Variants in EBF2 observed in about 807,000 individuals in gnomAD.
EBF2 encodes EBF transcription factor 2.
A neutral mutation model predicts 72.8 loss-of-function variants in EBF2; 21 were observed. The observed-to-expected ratio is 0.29, with a 90% CI of 0.20 to 0.42. The LOEUF (loss-of-function observed/expected upper bound fraction) is 0.42, where lower values mean the gene tolerates loss of function less well. EBF2 is among the 10% of genes least tolerant of loss of function. The pLI is 1.00. For synonymous variants in EBF2, 299 were observed against 274.2 expected, an observed-to-expected ratio of 1.09 and a Z score of -0.89; for missense variants, 637 against 731.2, an observed-to-expected ratio of 0.87 and a Z score of 1.49.
intron 6 of EBF2, among the ~76,000 whole-genome samples, chr8:26,030,701 C>A (rs1805387727): frequency 1.3e-5 from 2 of 152,144 alleles, no homozygotes; most frequent in Non-Finnish European, 2.9e-5. Context: ...TGTAGACATG[C>A]AACATTTCGG....
chr8:25,945,641 T>A (rs1455978868), intron 6 of EBF2, among the ~76,000 whole-genome samples: 1 of 151,484 alleles, frequency 6.6e-6, no homozygotes, highest in Non-Finnish European at 1.5e-5. Context: ...GGGGGTACAA[T>A]GAGAGCCTGT....
intron 6 of EBF2, among the ~76,000 whole-genome samples, chr8:25,996,427 T>C (rs957071980): frequency 6.6e-6 from 1 of 152,054 alleles, no homozygotes; most frequent in Non-Finnish European, 1.5e-5. Flanking sequence ...TAAGGTAATC[T>C]CTTAAATTTT....
intron 6 of EBF2, among the ~76,000 whole-genome samples, chr8:25,978,364 C>T (rs572368655): frequency 2.0e-5 from 3 of 152,312 alleles, no homozygotes; most frequent in African/African-American, 7.2e-5. Flanking sequence ...TAAATGCCTG[C>T]CTTTCTCCCC....
rs1178452759 is a variant in EBF2, at chr8:25,886,738, A to G, written c.1009+17T>C. The G allele has an allele frequency of 2.5e-6, 4 of 1,603,166 alleles. No homozygotes were observed. The highest frequency in any genetic ancestry group is 3.4e-6 in the Non-Finnish European group (4 of 1,174,640). The stretch of plus-strand genomic sequence containing the variant: ...AAACCAGAAGCCAGCCTCTCTTGGA[A>G]TCGTTTTCTCACCTACCTGTGTAAA... On this transcript the variant is annotated intron_variant, in intron 10 of 15. Coordinates refer to ENST00000520164, the MANE Select transcript of EBF2 (RefSeq NM_022659.4).
chr8:25,956,702 G>A (rs2117174579), intron 6 of EBF2, among the ~76,000 whole-genome samples: 1 of 152,350 alleles, frequency 6.6e-6, no homozygotes, highest in Middle Eastern at 3.4e-3. Flanking sequence ...AGCAGAGAAA[G>A]TAGATGGACA....
chr8:25,935,189 G>C (rs1803555638), intron 6 of EBF2, among the ~76,000 whole-genome samples: 1 of 152,256 alleles, frequency 6.6e-6, no homozygotes, highest in East Asian at 1.9e-4. Flanking sequence ...CGATGGAGGG[G>C]GAAGTGGGGG....
intron 14 of EBF2, among the ~76,000 whole-genome samples, chr8:25,853,449 A>G (rs1328038778): frequency 1.3e-5 from 2 of 152,098 alleles, no homozygotes; most frequent in Admixed American, 1.3e-4. Flanking sequence ...GATTCATAAT[A>G]AAATGCTAAT....
chr8:25,945,097 G>A (rs115624199), intron 6 of EBF2, among the ~76,000 whole-genome samples: 7,698 of 72,066 alleles, frequency 0.11, 250 homozygotes, highest in Middle Eastern at 0.2. Flanking sequence ...TGCCCCCCCC[G>A]CCCCACCCCA....
At chr8:25,845,255 G>A (rs1157080584) in intron 15 of EBF2, among the ~76,000 whole-genome samples, 2 of 152,038 alleles carry the variant, frequency 1.3e-5, no homozygotes, top group Non-Finnish European at 2.9e-5. Flanking sequence ...CTTTGTTGAG[G>A]TGGAATCTTG....
chr8:25,961,109 C>T (rs751703022), intron 6 of EBF2, among the ~76,000 whole-genome samples: 4 of 151,802 alleles, frequency 2.6e-5, no homozygotes, highest in South Asian at 2.1e-4. Flanking sequence ...TGCACATATG[C>T]GTGAAAAAGA....
At position 25,891,183 on chromosome 8, in the gene EBF2, C is replaced by T. The variant is rs78650871; in HGVS notation, c.634-1314G>A. Among the ~76,000 whole-genome samples, 342 of 152,190 alleles carry T rather than the reference C, an allele frequency of 2.2e-3. 14 individuals are homozygous for T. In the East Asian group the frequency reaches 0.055, roughly 25 times the overall value. On this transcript the variant is annotated intron_variant, in intron 7 of 15. Transcript: ENST00000520164. ...GCACAAAGACTGGTATCAAATCGAG[C>T]TCCAGCATATGTACTGCAGATCAGG...
chr8:25,941,081 G>A (rs948007601), intron 6 of EBF2, among the ~76,000 whole-genome samples: 2 of 152,074 alleles, frequency 1.3e-5, no homozygotes, highest in Admixed American at 1.3e-4. Flanking sequence ...TTCATGCATT[G>A]GGAGTATGAC....
At chr8:25,945,237 T>C (rs1049561213) in intron 6 of EBF2, among the ~76,000 whole-genome samples, 1 of 152,108 alleles carries the variant, frequency 6.6e-6, no homozygotes, top group Non-Finnish European at 1.5e-5. Context: ...TCCCCCAAGT[T>C]GAACTCAATA....
chr8:25,845,592 C>A (rs1374726502), intron 15 of EBF2, among the ~76,000 whole-genome samples: 1 of 152,140 alleles, frequency 6.6e-6, no homozygotes, highest in Non-Finnish European at 1.5e-5. Context: ...TTCATCGGGT[C>A]AAAAGGATTC....
chr8:25,961,635 A>C (rs182778001), intron 6 of EBF2, among the ~76,000 whole-genome samples: 276 of 152,324 alleles, frequency 1.8e-3, no homozygotes, highest in Non-Finnish European at 2.9e-3. Flanking sequence ...TGCTGGGATT[A>C]CAGGTATGAA....
intron 6 of EBF2, among the ~76,000 whole-genome samples, chr8:26,012,897 G>C (rs889215843): frequency 6.6e-6 from 1 of 152,128 alleles, no homozygotes; most frequent in Non-Finnish European, 1.5e-5. Context: ...AATACTCATC[G>C]ATACCTACTA....
intron 6 of EBF2, among the ~76,000 whole-genome samples, chr8:25,980,958 C>T (rs1394553544): frequency 1.3e-5 from 2 of 152,008 alleles, no homozygotes; most frequent in African/African-American, 4.8e-5. Context: ...GTGTAACCAG[C>T]TCAGTGGTAG....
chr8:25,906,578 C>A (rs990560302), intron 7 of EBF2, among the ~76,000 whole-genome samples: 2 of 152,042 alleles, frequency 1.3e-5, no homozygotes, highest in African/African-American at 4.8e-5. Context: ...ACCAGCCTGG[C>A]CAACATGTCA....
rs367924296 is a variant in EBF2, at chr8:25,858,543, G to T, written c.1343-39C>A. On this transcript the variant is annotated intron_variant, in intron 13 of 15. Coordinates refer to ENST00000520164, the MANE Select transcript of EBF2 (RefSeq NM_022659.4). Reference sequence around the variant, plus strand: ...AAAAAGCCCAGGTAAATCAACAGGCGTGCACAGTCAGGCCACATGTGGCTA... The same window carrying T: ...AAAAAGCCCAGGTAAATCAACAGGCTTGCACAGTCAGGCCACATGTGGCTA... 17 of 1,591,294 alleles carry T rather than the reference G, an allele frequency of 1.1e-5. No homozygotes were observed. In the African/African-American group the frequency reaches 2.3e-4, roughly 21 times the overall value.
Sources: gnomAD v4.1 joint callset for allele counts (sites outside exome capture counted in the v4.1 genomes callset) on GRCh38, gnomAD v4.1.1 for gene constraint, MANE v1.5 for transcripts, NCBI Gene and HGNC (gene_info 2026-07-23, HGNC 2026-07-21) for gene names.